TEP1: variants seen among roughly 807,000 people sequenced by gnomAD.
TEP1 encodes telomerase protein component 1.
Under a neutral mutation model 306.3 loss-of-function variants are expected in TEP1, and 241 were observed. The observed-to-expected ratio is 0.79, with a 90% confidence interval of 0.71 to 0.88. The LOEUF is 0.88. TEP1 is among the 40% of genes least tolerant of loss of function. TEP1 has a pLI of 0.00. For synonymous variants in TEP1, 1,289 were observed against 1,305.5 expected, an observed-to-expected ratio of 0.99 and a Z score of 0.27; for missense variants, 3,051 against 3,276.1, an observed-to-expected ratio of 0.93 and a Z score of 1.68.
intron 18 of TEP1, among the ~76,000 whole-genome samples, chr14:20,386,831 C>A (rs374817029): frequency 5.1e-4 from 78 of 152,292 alleles, no homozygotes; most frequent in Admixed American, 2.4e-3. Flanking sequence ...TTCTTGTACA[C>A]CTCTCTTTTT....
rs1179461099 is a variant in TEP1 at position 20,369,525 on chromosome 14, T to C, written c.7475A>G (p.Lys2492Arg). ...SSDGILWNLA[K>R]CSPEGEWTTG... ...GGTCCATTCTCCTTCTGGGCTGCAT[T>C]TGGCCAGGTTCCATAGGATCCCATC... is the stretch of plus-strand genomic sequence containing the variant. Residue 2492 changes from lysine (K) to arginine (R), a missense_variant, in exon 53 of 55, where the codon AAA becomes AGA. Physicochemically the swap from Lys to Arg is conservative, Grantham distance 26. Transcript: ENST00000262715. 1 of 1,614,128 alleles carries C rather than the reference T, an allele frequency of 6.2e-7. No individual in the cohort carries two copies. Among genetic ancestry groups the C allele is most frequent in the East Asian group, 2.2e-5 (1 of 44,882 alleles).
rs1471998377 is a variant in TEP1, at chr14:20,383,234, C to A, written c.3987G>T (p.Leu1329=). The A allele has an allele frequency of 6.2e-7, 1 of 1,614,018 alleles. No individual in the cohort carries two copies. The highest frequency in any genetic ancestry group is 1.3e-5 in the African/African-American group (1 of 75,060). The change falls in exon 27 of 55, where the codon CTG becomes CTT. Residue 1329 remains leucine (L), a synonymous_variant. Transcript: ENST00000262715. ...CGTACAGGGCCAGCTCCTCTCTCAC[C>A]AGCCGGGCCCGAGCAGAGGCCTCCA... ...GPLEASARAR[L]VREELALYGK...
intron 1 of TEP1, among the ~76,000 whole-genome samples, chr14:20,408,966 C>T (rs571552429): frequency 7.2e-5 from 11 of 152,092 alleles, no homozygotes; most frequent in Admixed American, 3.9e-4. Flanking sequence ...AGAGAGGCCT[C>T]GCAATATAAT....
At position 20,373,668 on chromosome 14, in the gene TEP1, GTT is replaced by G; in HGVS notation, c.6604+8_6604+9del. The G allele has an allele frequency of 1.9e-6, 3 of 1,614,200 alleles. No individual in the cohort carries two copies. The highest frequency in any genetic ancestry group is 2.5e-6 in the Non-Finnish European group (3 of 1,180,042). On this transcript the variant is annotated splice_region_variant and intron_variant, in intron 45 of 54. Coordinates refer to ENST00000262715, the MANE Select transcript of TEP1 (RefSeq NM_007110.5). ...CAGCAGGGAAGGGGAGGTGGCTGAC[GTT>G]TTGTTACCTGCACGGGGCTCCATGG... is the stretch of plus-strand genomic sequence containing the variant.
At position 20,378,009 on chromosome 14, in the gene TEP1, C is replaced by G; in HGVS notation, c.5721+15G>C. The G allele has an allele frequency of 6.2e-7, 1 of 1,612,196 alleles. No homozygotes were observed. Among genetic ancestry groups the G allele is most frequent in the East Asian group, 2.2e-5 (1 of 44,868 alleles). ...CTCCTCCTCACAACCCACCACCAGC[C>G]CTCTGCAAGCTGACCTTGCCATCCT... On this transcript the variant is annotated intron_variant, in intron 39 of 54. Transcript: ENST00000262715.
chr14:20,368,791 C>CACACA lies in TEP1; in HGVS notation c.7761+6_7761+7insTGTGT. ...ACACACACACACACACACACACACA[C>CACACA]ACTTACCAGCTGCATACTGGGTCTC... On this transcript the variant is annotated splice_region_variant and intron_variant, in intron 54 of 54. Coordinates refer to ENST00000262715, the MANE Select transcript of TEP1 (RefSeq NM_007110.5). The CACACA allele has an allele frequency of 6.2e-7, 1 of 1,603,048 alleles. No homozygotes were observed. Among genetic ancestry groups the CACACA allele is most frequent in the African/African-American group, 1.3e-5 (1 of 74,420 alleles).
intron 27 of TEP1, 114 bp from the exon 28 acceptor site, chr14:20,382,829 C>G (rs1338401735): frequency 2.2e-6 from 2 of 922,866 alleles, no homozygotes; most frequent in African/African-American, 3.3e-5. Flanking sequence ...CCCCAGCAGA[C>G]GCCAGGTCCA....
Position 20,386,708 on chromosome 14 carries a change from C to A in TEP1, c.2685-85G>T, listed in dbSNP as rs554574631. On this transcript the variant is annotated intron_variant, in intron 18 of 54. Transcript: ENST00000262715. ...ACACTGCTGTGATCACCCTTTAGCA[C>A]TGAGCACAAGCCAGGTACGACAGAC... The A allele has an allele frequency of 4.3e-6, 6 of 1,387,348 alleles. No homozygotes were observed. In the Admixed American group the frequency reaches 1.8e-4, roughly 41 times the overall value. The allele number at this position is 1,387,348 out of a possible 1,614,324, so 85.9% of individuals were successfully genotyped here.
At position 20,381,409 on chromosome 14, in the gene TEP1, A is replaced by T. The variant is rs150792015; in HGVS notation, c.4559-8T>A. 6.2e-7 allele frequency: 1 copy of T among 1,614,062 alleles called. No homozygotes were observed. The highest frequency in any genetic ancestry group is 1.3e-5 in the African/African-American group (1 of 75,040). On this transcript the variant is annotated splice_polypyrimidine_tract_variant and splice_region_variant and intron_variant, in intron 31 of 54. Transcript: ENST00000262715. The surrounding 1 kb of genome is among the most constrained non-coding windows in gnomAD (Gnocchi z 4.0). ...ATGTCTTCCAGAGCTGAGCTGCATG[A>T]ACAGATATTGAGAAAGGCTCAGCCC... is the stretch of plus-strand genomic sequence containing the variant.
chr14:20,377,437 C>A lies in TEP1; in HGVS notation c.5931G>T (p.Trp1977Cys), dbSNP rs758531179. The A allele has an allele frequency of 1.2e-6, 2 of 1,614,118 alleles. No homozygotes were observed. The highest frequency in any genetic ancestry group is 1.7e-6 in the Non-Finnish European group (2 of 1,180,028). The change falls in exon 41 of 55, where the codon TGG (tryptophan) becomes TGT (cysteine). Residue 1977 changes from tryptophan (W) to cysteine (C), a missense_variant. Around this residue, in one of 3 missense-constraint regions of TEP1, gnomAD observed 1,540 missense variants for 1,705.9 expected, o/e 0.90. Coordinates refer to ENST00000262715, the MANE Select transcript of TEP1 (RefSeq NM_007110.5). The part of the protein sequence containing the change: ...ALDVAVSALA[W>C]LSPKVLVSGA... Reference sequence around the variant, plus strand: ...CACTCACCAATACCTTGGGGCTTAGCCAGGCCAGGGCGGACACTGCCACAT... The same window carrying A: ...CACTCACCAATACCTTGGGGCTTAGACAGGCCAGGGCGGACACTGCCACAT...
chr14:20,373,940 A>G, intron 44 of TEP1, 130 bp from the exon 45 acceptor site: 1 of 1,289,268 alleles, frequency 7.8e-7, no homozygotes, highest in South Asian at 1.4e-5. Context: ...ACTCAGGAAC[A>G]GTGGGGTTGG....
chr14:20,410,802 G>GTTTTTTTTTTTTTTTTTTTTT (rs61662364), intron 1 of TEP1, among the ~76,000 whole-genome samples: 19 of 25,220 alleles, frequency 7.5e-4, no homozygotes, highest in Non-Finnish European at 1.4e-3. Context: ...CTCCTTTGTG[G>GTTTTTTTTTTTTTTTTTTTTT]TTTTTTTTTT....
intron 6 of TEP1, 70 bp downstream of exon 6, chr14:20,403,653 C>T: frequency 6.2e-7 from 1 of 1,606,068 alleles, no homozygotes; most frequent in African/African-American, 1.3e-5. Context: ...TCCCCAGCAT[C>T]AGCATGCTCC....
At chr14:20,396,862 T>G in intron 9 of TEP1, 132 bp from the exon 10 acceptor site, 1 of 533,692 alleles carries the variant, frequency 1.9e-6, no homozygotes, top group Non-Finnish European at 3.2e-6. Flanking sequence ...GGAATTAGAG[T>G]CCAGCCTGGG....
intron 53 of TEP1, among the ~76,000 whole-genome samples, 165 bp from the exon 54 acceptor site, chr14:20,369,067 G>C: frequency 6.6e-6 from 1 of 151,946 alleles, no homozygotes; most frequent in Non-Finnish European, 1.5e-5. Context: ...GAGTGCAGTG[G>C]CGCAATCTCG....
At position 20,386,124 on chromosome 14, in the gene TEP1, C is replaced by A; in HGVS notation, c.2933G>T (p.Gly978Val). Residue 978 changes from glycine to valine, a missense_variant, in exon 20 of 55, where the codon GGA becomes GTA. This residue lies in a region of TEP1 where 1,507 missense variants were observed against 1,550.5 expected (regional missense o/e 0.97). Coordinates refer to ENST00000262715, the MANE Select transcript of TEP1 (RefSeq NM_007110.5). ...LFVGILGSRY[G>V]YIPPSYNLPD... is the part of the protein sequence containing the mutation. ...AAGGTTGTAGCTGGGGGGAATGTAT[C>A]CATAACGGGAGCCCAGAATCCCCAC... 1 of 1,613,428 alleles carries A rather than the reference C, an allele frequency of 6.2e-7. No individual in the cohort carries two copies. Among genetic ancestry groups the A allele is most frequent in the East Asian group, 2.2e-5 (1 of 44,848 alleles).
At chr14:20,371,033 A>C (rs987978504) in intron 51 of TEP1, among the ~76,000 whole-genome samples, 185 bp downstream of exon 51, 3 of 152,226 alleles carry the variant, frequency 2.0e-5, no homozygotes, top group Admixed American at 6.5e-5. Context: ...TTCTTGTACC[A>C]GTGAAATCTT....
intron 41 of TEP1, among the ~76,000 whole-genome samples, chr14:20,376,883 A>G (rs1260192017): frequency 6.6e-6 from 1 of 152,248 alleles, no homozygotes; most frequent in Non-Finnish European, 1.5e-5. Flanking sequence ...ACACATATAC[A>G]TACAACTTGG....
In TEP1 at chr14:20,391,705, T is replaced by C. The variant is rs780400259; in HGVS notation, c.1991A>G (p.Asn664Ser). 5 of 1,613,908 alleles carry C rather than the reference T, an allele frequency of 3.1e-6. No homozygotes were observed. The highest frequency in any genetic ancestry group is 2.5e-6 in the Non-Finnish European group (3 of 1,179,980). The stretch of plus-strand genomic sequence containing the variant: ...GGGCAGGCTGTGCTTCACAGAGAGG[T>C]TCACAGCTGTCTCTAGGGCCTGTCG... ...RYRQALETAV[N>S]LSVKHSLPLL... is the part of the protein sequence containing the mutation. Residue 664 changes from asparagine (N) to serine (S), a missense_variant, in exon 13 of 55, where the codon AAC (asparagine) becomes AGC (serine). Asn to Ser is a conservative substitution (Grantham distance 46). Coordinates refer to ENST00000262715, the MANE Select transcript of TEP1 (RefSeq NM_007110.5).
Sources: allele counts gnomAD v4.1 joint callset (sites outside exome capture counted in the v4.1 genomes callset), GRCh38; gene constraint gnomAD v4.1.1; regional missense constraint gnomAD v4.1.1; non-coding constraint Gnocchi (gnomAD v3.1); transcripts MANE v1.5; gene names NCBI Gene and HGNC (gene_info 2026-07-23, HGNC 2026-07-21).